The following OSBPL6 variants were observed in gnomAD, a reference collection of about 807,000 sequenced individuals.
OSBPL6 encodes oxysterol-binding protein-related protein 6.
A neutral mutation model predicts 125.8 loss-of-function variants in OSBPL6; 49 were observed. The observed-to-expected ratio is 0.39, with a 90% confidence interval of 0.31 to 0.49. The LOEUF is 0.49. OSBPL6 is among the 20% of genes least tolerant of loss of function. OSBPL6 has a pLI of 0.88. For synonymous variants in OSBPL6, 394 were observed against 391.8 expected, an observed-to-expected ratio of 1.01 and a Z score of -0.07; for missense variants, 986 against 1,135.4, an observed-to-expected ratio of 0.87 and a Z score of 1.89.
chr2:178,216,372 A>G (rs898835899), intron 1 of OSBPL6, among the ~76,000 whole-genome samples: 3 of 152,242 alleles, frequency 2.0e-5, no homozygotes, highest in Non-Finnish European at 4.4e-5. Flanking sequence ...AAAGGCAAGT[A>G]TGAAAGACTC....
intron 2 of OSBPL6, among the ~76,000 whole-genome samples, chr2:178,298,202 T>G (rs1685933036): frequency 6.6e-6 from 1 of 152,240 alleles, no homozygotes; most frequent in African/African-American, 2.4e-5. Flanking sequence ...ATTACATGTG[T>G]CAGAATTTCC....
chr2:178,282,691 G>T (rs2154031647), intron 1 of OSBPL6, among the ~76,000 whole-genome samples: 1 of 152,228 alleles, frequency 6.6e-6, no homozygotes, highest in South Asian at 2.1e-4. Context: ...CGCTCTTGTT[G>T]CCCAGGCTGG....
chr2:178,194,203 T>G (rs987420393), upstream of OSBPL6, among the ~76,000 whole-genome samples: 1 of 151,992 alleles, frequency 6.6e-6, no homozygotes, highest in Non-Finnish European at 1.5e-5. Context: ...CCACTGCGGG[T>G]GATCTCGGGA....
chr2:178,379,875 T>C (rs1401969219), intron 15 of OSBPL6, among the ~76,000 whole-genome samples: 1 of 152,208 alleles, frequency 6.6e-6, no homozygotes, highest in Non-Finnish European at 1.5e-5. Flanking sequence ...AAAATTACCA[T>C]TATTCATCCA....
chr2:178,291,970 C>T (rs1422247427), intron 2 of OSBPL6, among the ~76,000 whole-genome samples: 1 of 152,038 alleles, frequency 6.6e-6, no homozygotes, highest in Non-Finnish European at 1.5e-5. Flanking sequence ...ATTTTAGGTT[C>T]AGGGGTACAT....
intron 1 of OSBPL6, among the ~76,000 whole-genome samples, chr2:178,237,005 T>TA (rs1322370410): frequency 6.6e-6 from 1 of 152,198 alleles, no homozygotes; most frequent in Non-Finnish European, 1.5e-5. Context: ...TTACCTCTTA[T>TA]ACTCTCTCAG....
chr2:178,359,170 T>C (rs889177279), intron 12 of OSBPL6, among the ~76,000 whole-genome samples: 5 of 152,126 alleles, frequency 3.3e-5, no homozygotes, highest in African/African-American at 9.7e-5. Context: ...AGTGGGACCT[T>C]GTCTCATAAA....
At chr2:178,314,575 T>A (rs1461396466) in intron 3 of OSBPL6, among the ~76,000 whole-genome samples, 5 of 152,242 alleles carry the variant, frequency 3.3e-5, no homozygotes, top group Non-Finnish European at 7.3e-5. Flanking sequence ...TAATATTTGT[T>A]TGCAAAAGCT....
chr2:178,308,937 A>G (rs1687020731), intron 3 of OSBPL6, among the ~76,000 whole-genome samples: 1 of 151,880 alleles, frequency 6.6e-6, no homozygotes, highest in Admixed American at 6.6e-5. Flanking sequence ...AATCCATCAG[A>G]CTCATTGTTA....
At chr2:178,382,353 A>G (rs1694557083) in intron 15 of OSBPL6, 67 bp from the exon 16 acceptor site, 1 of 1,513,866 alleles carries the variant, frequency 6.6e-7, no homozygotes, top group East Asian at 2.3e-5. Context: ...ATTTTTAATC[A>G]TTTGATTATC....
In OSBPL6 at chr2:178,306,248, G is replaced by A. The variant is rs775913585; in HGVS notation, c.64G>A (p.Ala22Thr). The change falls in exon 3 of 25, where the codon GCC (alanine) becomes ACC (threonine). Residue 22 changes from alanine (A) to threonine (T), a missense_variant. Transcript: ENST00000190611. ...AACATCCACTCCAACCCATAGAAGT[G>A]CCTCCTCTTCAACATCCTCCCAAAG... ...HKTSTPTHRS[A>T]SSSTSSQRDS... The A allele has an allele frequency of 1.9e-6, 3 of 1,613,830 alleles. No individual in the cohort carries two copies. The highest frequency in any genetic ancestry group is 2.2e-5 in the East Asian group (1 of 44,868).
intron 1 of OSBPL6, among the ~76,000 whole-genome samples, chr2:178,284,185 C>T (rs913123016): frequency 5.3e-5 from 8 of 151,978 alleles, no homozygotes; most frequent in Non-Finnish European, 8.8e-5. Flanking sequence ...ACTGTTCATG[C>T]GTTTTTTTCA....
intron 10 of OSBPL6, 96 bp from the exon 11 acceptor site, chr2:178,339,576 A>G (rs1307206222): frequency 4.2e-6 from 4 of 946,136 alleles, no homozygotes; most frequent in East Asian, 6.2e-5. Flanking sequence ...GGCTCTAACA[A>G]TGACCTTTAG....
intron 1 of OSBPL6, among the ~76,000 whole-genome samples, chr2:178,231,025 GAC>G (rs201238707): frequency 3.3e-5 from 5 of 152,188 alleles, no homozygotes; most frequent in African/African-American, 1.2e-4. Context: ...TAACGACAGG[GAC>G]ACACACACAG....
At chr2:178,268,718 A>G (rs139567842) in intron 1 of OSBPL6, among the ~76,000 whole-genome samples, 1 of 151,196 alleles carries the variant, frequency 6.6e-6, no homozygotes, top group African/African-American at 2.4e-5. Context: ...TTATTTCATC[A>G]TATGACTATT....
chr2:178,288,818 T>G (rs953446444), intron 2 of OSBPL6, among the ~76,000 whole-genome samples: 6 of 151,700 alleles, frequency 4.0e-5, no homozygotes, highest in African/African-American at 1.5e-4. Context: ...CCAGCTAATT[T>G]TTTATATTTT....
At chr2:178,249,322 CT>C (rs2091602484) in intron 1 of OSBPL6, among the ~76,000 whole-genome samples, 1 of 152,140 alleles carries the variant, frequency 6.6e-6, no homozygotes, top group South Asian at 2.1e-4. Flanking sequence ...AAAATGTGAA[CT>C]TTTTCCAATT....
rs1350571549 is a variant in OSBPL6, at chr2:178,251,936, G to A, written c.-350-32991G>A. Reference sequence around the variant, plus strand: ...TATGCTTTCTTGTATTTTCATGCTTGTATGTTTATTCTTTGGATTCTTAAG... The same window carrying A: ...TATGCTTTCTTGTATTTTCATGCTTATATGTTTATTCTTTGGATTCTTAAG... On this transcript the variant is annotated intron_variant, in intron 1 of 24. Coordinates refer to ENST00000190611, the MANE Select transcript of OSBPL6 (RefSeq NM_032523.4). 2.0e-5 allele frequency among the ~76,000 whole-genome samples: 3 copies of A among 152,096 alleles called. No individual in the cohort carries two copies. In the East Asian group the frequency reaches 5.8e-4, roughly 29 times the overall value.
intron 1 of OSBPL6, among the ~76,000 whole-genome samples, chr2:178,231,158 C>G (rs559953440): frequency 6.6e-6 from 1 of 152,174 alleles, no homozygotes; most frequent in East Asian, 1.9e-4. Flanking sequence ...TGGACCTCAG[C>G]AGGTTTCATA....
Sources: gnomAD v4.1 joint callset for allele counts (sites outside exome capture counted in the v4.1 genomes callset) on GRCh38, gnomAD v4.1.1 for gene constraint, MANE v1.5 for transcripts, NCBI Gene and HGNC (gene_info 2026-07-23, HGNC 2026-07-21) for gene names.